The following CBR4 variants were observed in gnomAD, a reference collection of about 807,000 sequenced individuals.
The protein encoded by CBR4 is 3-oxoacyl-[acyl-carrier-protein] reductase.
In CBR4, 22 loss-of-function variants were observed where a neutral mutation model predicts 21.0. That is an observed-to-expected ratio of 1.05 (90% CI 0.75 to 1.50). The LOEUF (loss-of-function observed/expected upper bound fraction) is 1.50, where lower values mean the gene tolerates loss of function less well. Among genes scored for constraint, CBR4 ranks in the 40% most tolerant of loss-of-function variants. The pLI is 0.00. For missense variants in CBR4, 302 were observed against 286.3 expected (o/e 1.05, Z -0.40); for synonymous variants, 100 against 104.4 (o/e 0.96, Z 0.26).
In CBR4 at chr4:168,987,874, GAATAA is replaced by G; in HGVS notation, c.*2271_*2275del. Reference sequence around the variant, plus strand: ...CAGTTACAAACCATAAATTGAATATGAATAAAATATGAAAAAGAGCACAAATTTTA... The same window carrying G: ...CAGTTACAAACCATAAATTGAATATGAATATGAAAAAGAGCACAAATTTTA... On this transcript the variant is annotated 3_prime_UTR_variant, in exon 5 of 5. Coordinates refer to ENST00000306193, the MANE Select transcript of CBR4 (RefSeq NM_032783.5). 9 of 980,116 alleles carry G rather than the reference GAATAA, an allele frequency of 9.2e-6. No individual in the cohort carries two copies. Among genetic ancestry groups the G allele is most frequent in the Non-Finnish European group, 1.1e-5 (9 of 825,368 alleles). 60.7% of individuals were successfully genotyped at this position (980,116 alleles called of 1,614,324 possible). A position where few individuals can be genotyped will look rare whatever the true frequency, so the allele number is the denominator to read the frequency against.
chr4:169,002,833 G>A (rs1441154620), intron 3 of CBR4, among the ~76,000 whole-genome samples: 1 of 151,004 alleles, frequency 6.6e-6, no homozygotes. Flanking sequence ...GGCTCACTGT[G>A]AGCAGTGCTC....
chr4:168,976,038 C>A (rs13133097), intron 2 of CBR4, among the ~76,000 whole-genome samples: 102,725 of 152,078 alleles, frequency 0.68, 36,661 homozygotes, highest in East Asian at 0.96. Flanking sequence ...GCAAGCAGGG[C>A]TCTCAGGCCT....
chr4:168,932,152 AGC>A (rs1762987248), intron 2 of CBR4, among the ~76,000 whole-genome samples: 1 of 152,184 alleles, frequency 6.6e-6, no homozygotes, highest in African/African-American at 2.4e-5. Context: ...ATCTTAAGGA[AGC>A]TCAGTGAGGT....
At position 169,002,169 on chromosome 4, in the gene CBR4, G is replaced by GAGGCACTTT; in HGVS notation, c.436_437insAAAGTGCCT (p.Gln145_Ser146insTer). ...TCCTCCTTTACTGGCACTGTAAACG[G>GAGGCACTTT]ACTGGCCAGAGTTGCCTTTTAAGCC... On this transcript the variant is annotated stop_gained, in exon 4 of 5. Transcript: ENST00000306193. LOFTEE classifies it high-confidence loss of function. 6.5e-7 allele frequency: 1 copy of GAGGCACTTT among 1,529,796 alleles called. No homozygotes were observed. Among genetic ancestry groups the GAGGCACTTT allele is most frequent in the Non-Finnish European group, 8.8e-7 (1 of 1,140,662 alleles). The allele number at this position is 1,529,796 out of a possible 1,614,324, so 94.8% of individuals were successfully genotyped here.
chr4:168,907,540 CACAGCTG>C (rs1421029511), intron 2 of CBR4, among the ~76,000 whole-genome samples: 1 of 152,164 alleles, frequency 6.6e-6, no homozygotes, highest in Non-Finnish European at 1.5e-5. Context: ...ACACCCATAG[CACAGCTG>C]ACATCAGCCA....
At chr4:168,936,411 A>T (rs1039645207) in intron 2 of CBR4, among the ~76,000 whole-genome samples, 15 of 152,172 alleles carry the variant, frequency 9.9e-5, no homozygotes, top group Non-Finnish European at 7.3e-5. Flanking sequence ...CAGCAAGGGA[A>T]CAAAACTGGA....
chr4:168,999,636 CAAA>C (rs35396431), intron 4 of CBR4, among the ~76,000 whole-genome samples: 83 of 77,292 alleles, frequency 1.1e-3, no homozygotes, highest in African/African-American at 9.8e-4. Flanking sequence ...CCACCACTTT[CAAA>C]AAAAAAAAAA....
At chr4:168,969,281 C>T (rs773613328) in intron 2 of CBR4, among the ~76,000 whole-genome samples, 1 of 152,120 alleles carries the variant, frequency 6.6e-6, no homozygotes, top group Non-Finnish European at 1.5e-5. Context: ...AGGTCTGGAT[C>T]AGAGAACTGG....
intron 2 of CBR4, among the ~76,000 whole-genome samples, chr4:168,967,503 A>G (rs1178126934): frequency 6.6e-6 from 1 of 152,226 alleles, no homozygotes; most frequent in Non-Finnish European, 1.5e-5. Flanking sequence ...CTTAAAGTAT[A>G]ATTTTAAAAA....
intron 2 of CBR4, among the ~76,000 whole-genome samples, chr4:168,982,433 A>G (rs1446048794): frequency 6.6e-6 from 1 of 152,166 alleles, no homozygotes; most frequent in African/African-American, 2.4e-5. Flanking sequence ...GTTCATAGAG[A>G]CTTACAAAGA....
At chr4:168,992,357 G>A (rs1332611126) in intron 4 of CBR4, among the ~76,000 whole-genome samples, 2 of 152,166 alleles carry the variant, frequency 1.3e-5, no homozygotes, top group East Asian at 1.9e-4. Flanking sequence ...GGGTGAGAGG[G>A]TGGGACAGAG....
chr4:168,930,146 T>C (rs1214995549), intron 2 of CBR4, among the ~76,000 whole-genome samples: 9 of 152,216 alleles, frequency 5.9e-5, no homozygotes. Context: ...TACCAATAGA[T>C]GTAATTTATA....
At chr4:168,999,323 C>T (rs147278266) in intron 4 of CBR4, among the ~76,000 whole-genome samples, 1,755 of 152,204 alleles carry the variant, frequency 0.012, 20 homozygotes, top group Non-Finnish European at 0.018. Flanking sequence ...TGTTTGTTAG[C>T]TGTGTTACAA....
chr4:168,987,182 C>T (rs912134088), downstream of CBR4, among the ~76,000 whole-genome samples: 1 of 152,064 alleles, frequency 6.6e-6, no homozygotes, highest in Non-Finnish European at 1.5e-5. Context: ...AGCATACTGC[C>T]TAAGAGAAAA....
intron 2 of CBR4, among the ~76,000 whole-genome samples, chr4:168,953,015 G>A (rs531327354): frequency 5.0e-4 from 76 of 152,272 alleles, no homozygotes; most frequent in African/African-American, 1.5e-3. Flanking sequence ...TTACTAGGGC[G>A]GGTAGAGAAG....
Position 168,988,750 on chromosome 4 carries a change from GA to G in CBR4, c.*1399del. 4.1e-6 allele frequency: 4 copies of G among 964,532 alleles called. No individual in the cohort carries two copies. Among genetic ancestry groups the G allele is most frequent in the Non-Finnish European group, 4.9e-6 (4 of 810,980 alleles). 59.7% of individuals were successfully genotyped at this position (964,532 alleles called of 1,614,324 possible). A position where few individuals can be genotyped will look rare whatever the true frequency, so the allele number is the denominator to read the frequency against. On this transcript the variant is annotated 3_prime_UTR_variant, in exon 5 of 5. Coordinates refer to ENST00000306193, the MANE Select transcript of CBR4 (RefSeq NM_032783.5). ...TTCTCATATCCTGAGATTAATCTAA[GA>G]AAACTATTTCAAAGATAAATTTAAA...
rs2126803763 is a variant in CBR4 at position 168,989,677 on chromosome 4, T to C, written c.*473A>G. 1.0e-6 allele frequency: 1 copy of C among 983,382 alleles called. No individual in the cohort carries two copies. The highest frequency in any genetic ancestry group is 1.2e-6 in the Non-Finnish European group (1 of 828,064). 60.9% of individuals were successfully genotyped at this position (983,382 alleles called of 1,614,324 possible). ...ATACAAGAAAATAATTCATCATAAT[T>C]AGACAATATAATTTTTCCACTTTTG... On this transcript the variant is annotated 3_prime_UTR_variant, in exon 5 of 5. Transcript: ENST00000306193.
intron 4 of CBR4, among the ~76,000 whole-genome samples, chr4:168,995,429 G>A (rs975888279): frequency 1.3e-5 from 2 of 152,100 alleles, no homozygotes; most frequent in African/African-American, 2.4e-5. Context: ...GATACTGGAA[G>A]GTCTCCAAGC....
At chr4:168,896,465 T>A in intron 2 of CBR4, 1 of 819,728 alleles carries the variant, frequency 1.2e-6, no homozygotes, top group Non-Finnish European at 2.0e-6. Context: ...AGCACAAAAG[T>A]TTCACTTAAG....
Sources: gnomAD v4.1 joint callset for allele counts (sites outside exome capture counted in the v4.1 genomes callset) on GRCh38, gnomAD v4.1.1 for gene constraint, MANE v1.5 for transcripts, NCBI Gene and HGNC (gene_info 2026-07-23, HGNC 2026-07-21) for gene names.